Variants in HCN1 observed in about 807,000 individuals in gnomAD.
HCN1 encodes potassium/sodium hyperpolarization-activated cyclic nucleotide-gated channel 1.
A neutral mutation model predicts 78.9 loss-of-function variants in HCN1; 13 were observed. The observed-to-expected ratio is 0.16, with a 90% CI of 0.11 to 0.26. HCN1 has a LOEUF of 0.26. Among genes scored for constraint, HCN1 ranks in the 10% least tolerant of loss-of-function variants. The pLI, the probability that HCN1 is intolerant of heterozygous loss-of-function variation, is 1.00. For synonymous variants in HCN1, 552 were observed against 455.5 expected, an observed-to-expected ratio of 1.21 and a Z score of -2.70; for missense variants, 810 against 1,154.3, an observed-to-expected ratio of 0.70 and a Z score of 4.32.
At chr5:45,270,381 T>G (rs936984742) in intron 6 of HCN1, among the ~76,000 whole-genome samples, 1 of 152,330 alleles carries the variant, frequency 6.6e-6, no homozygotes, top group South Asian at 2.1e-4. Flanking sequence ...GTAACTACTG[T>G]TAGTGATTGA....
intron 5 of HCN1, among the ~76,000 whole-genome samples, chr5:45,313,409 G>T (rs1041694145): frequency 6.6e-6 from 1 of 152,044 alleles, no homozygotes; most frequent in Non-Finnish European, 1.5e-5. Context: ...AACCACAAAG[G>T]TGGGGAAAAA....
At chr5:45,580,627 TG>T (rs1744045294) in intron 2 of HCN1, among the ~76,000 whole-genome samples, 1 of 152,104 alleles carries the variant, frequency 6.6e-6, no homozygotes, top group African/African-American at 2.4e-5. Flanking sequence ...CATGTAGGTG[TG>T]CTGCACCCAT....
At chr5:45,672,559 G>A (rs1460704165) in intron 1 of HCN1, among the ~76,000 whole-genome samples, 38 of 143,468 alleles carry the variant, frequency 2.6e-4, no homozygotes, top group African/African-American at 7.9e-4. Flanking sequence ...AGTCCTTAGC[G>A]AATTAAGTAA....
chr5:45,673,138 C>A (rs1187235307), intron 1 of HCN1, among the ~76,000 whole-genome samples: 1 of 151,338 alleles, frequency 6.6e-6, no homozygotes, highest in Non-Finnish European at 1.5e-5. Context: ...TTGGGGGGTA[C>A]TCGTCATATA....
intron 5 of HCN1, among the ~76,000 whole-genome samples, chr5:45,347,474 G>C (rs995489803): frequency 3.6e-4 from 55 of 152,196 alleles, no homozygotes; most frequent in Non-Finnish European, 2.9e-5. Flanking sequence ...TCCTCCAAAG[G>C]AACGCAGTTG....
At chr5:45,560,354 A>C (rs2111876651) in intron 2 of HCN1, among the ~76,000 whole-genome samples, 1 of 152,190 alleles carries the variant, frequency 6.6e-6, no homozygotes, top group Non-Finnish European at 1.5e-5. Flanking sequence ...AAAGTGATTA[A>C]GCAAAAAGAT....
intron 2 of HCN1, among the ~76,000 whole-genome samples, chr5:45,561,941 T>A (rs977841498): frequency 3.9e-5 from 6 of 152,188 alleles, no homozygotes; most frequent in Admixed American, 2.0e-4. Flanking sequence ...GTTTAAGACT[T>A]TGCATTTGGC....
chr5:45,685,710 C>A (rs2112095893), intron 1 of HCN1, among the ~76,000 whole-genome samples: 2 of 149,732 alleles, frequency 1.3e-5, no homozygotes, highest in South Asian at 4.2e-4. Context: ...GAAACTCCAT[C>A]TCAAAAAAAA....
intron 2 of HCN1, among the ~76,000 whole-genome samples, chr5:45,631,048 C>G (rs950049976): frequency 2.0e-5 from 3 of 152,026 alleles, no homozygotes; most frequent in Non-Finnish European, 4.4e-5. Context: ...TTGTCTGGGA[C>G]CAAAAACATC....
chr5:45,536,085 A>T (rs1742964158), intron 2 of HCN1, among the ~76,000 whole-genome samples: 1 of 151,990 alleles, frequency 6.6e-6, no homozygotes, highest in Non-Finnish European at 1.5e-5. Flanking sequence ...TTTCATTTGT[A>T]TTCTCCTCTC....
intron 2 of HCN1, among the ~76,000 whole-genome samples, chr5:45,548,835 A>C (rs1743290234): frequency 6.6e-6 from 1 of 152,028 alleles, no homozygotes; most frequent in Admixed American, 6.6e-5. Context: ...AATCACAAGC[A>C]TTCTTATACA....
chr5:45,538,926 G>A (rs1743028889), intron 2 of HCN1, among the ~76,000 whole-genome samples: 1 of 152,142 alleles, frequency 6.6e-6, no homozygotes, highest in Non-Finnish European at 1.5e-5. Flanking sequence ...AGATTCCTAA[G>A]TCACATGTTA....
At chr5:45,566,267 T>A (rs1743705516) in intron 2 of HCN1, among the ~76,000 whole-genome samples, 1 of 152,154 alleles carries the variant, frequency 6.6e-6, no homozygotes, top group Non-Finnish European at 1.5e-5. Context: ...TTGAGGTAGG[T>A]CTAATTAACT....
rs540345429 is a variant in HCN1, at chr5:45,489,164, G to A, written c.850-27157C>T. On this transcript the variant is annotated intron_variant, in intron 2 of 7. Coordinates refer to ENST00000303230, the MANE Select transcript of HCN1 (RefSeq NM_021072.4). ...AAAATATTTAATCTGAGTTACATTT[G>A]GAGTAGGATTTCTAAGCGAAGATGC... Among the ~76,000 whole-genome samples the A allele has an allele frequency of 1.2e-3, 186 of 152,238 alleles. 1 individual carries two copies. The highest frequency in any genetic ancestry group is 4.4e-3 in the African/African-American group (181 of 41,552).
At chr5:45,347,823 G>A (rs1397659982) in intron 5 of HCN1, among the ~76,000 whole-genome samples, 2 of 152,156 alleles carry the variant, frequency 1.3e-5, no homozygotes, top group South Asian at 2.1e-4. Flanking sequence ...GAAAAAAGAA[G>A]AAAAGGAAAC....
chr5:45,498,092 T>C (rs888039253), intron 2 of HCN1, among the ~76,000 whole-genome samples: 6 of 152,144 alleles, frequency 3.9e-5, no homozygotes, highest in Non-Finnish European at 8.8e-5. Flanking sequence ...AGGAGTATCT[T>C]TGTGGCGTTC....
rs1747620909 is a variant in HCN1, at chr5:45,375,741, CTT to C, written c.1230+20749_1230+20750del. ...TATAATATCATATTTTATGATATAT[CTT>C]ATATATAATATCATATTTTATGATA... On this transcript the variant is annotated intron_variant, in intron 4 of 7. Transcript: ENST00000303230. 3.7e-5 allele frequency among the ~76,000 whole-genome samples: 3 copies of C among 81,658 alleles called. 1 individual carries two copies. Among genetic ancestry groups the C allele is most frequent in the Admixed American group, 3.1e-4 (2 of 6,450 alleles). The allele number at this position is 81,658 out of a possible 152,430, so 53.6% of individuals were successfully genotyped here. A position where few individuals can be genotyped will look rare whatever the true frequency, so the allele number is the denominator to read the frequency against.
chr5:45,262,668 A>C lies in HCN1; in HGVS notation c.1926T>G (p.Pro642=). 2.5e-6 allele frequency: 4 copies of C among 1,614,088 alleles called. No homozygotes were observed. Among genetic ancestry groups the C allele is most frequent in the Non-Finnish European group, 3.4e-6 (4 of 1,179,996 alleles). ...MVQAIAPINY[P]QMTTLNSTSS... is the part of the protein sequence containing the mutation. ...ATGTGGAATTCAGGGTTGTCATTTG[A>C]GGATAATTGATGGGAGCGATTGCCT... is the stretch of plus-strand genomic sequence containing the variant. Residue 642 remains proline, a synonymous_variant, in exon 8 of 8, where the codon CCT becomes CCG. Coordinates refer to ENST00000303230, the MANE Select transcript of HCN1 (RefSeq NM_021072.4).
intron 4 of HCN1, among the ~76,000 whole-genome samples, chr5:45,392,009 T>C (rs1579864199): frequency 6.6e-6 from 1 of 152,172 alleles, no homozygotes. Context: ...AGAACAATGA[T>C]CCTTAAGAAT....
Sources: gnomAD v4.1 joint callset for allele counts (sites outside exome capture counted in the v4.1 genomes callset) on GRCh38, gnomAD v4.1.1 for gene constraint, MANE v1.5 for transcripts, NCBI Gene and HGNC (gene_info 2026-07-23, HGNC 2026-07-21) for gene names.